Variants in LPP observed in about 807,000 individuals in gnomAD.
The protein encoded by LPP is LIM domain containing preferred translocation partner in lipoma.
LPP carries 38 observed loss-of-function variants against 60.4 expected under a neutral mutation model. That is an observed-to-expected ratio of 0.63 (90% CI 0.49 to 0.83). The LOEUF is 0.83. Among genes scored for constraint, LPP ranks in the 40% least tolerant of loss-of-function variants. The probability of loss-of-function intolerance (pLI) is 0.00; values close to 1 mark genes in which losing one functional copy is unlikely to be tolerated. For missense variants in LPP, 902 were observed against 783.6 expected, an observed-to-expected ratio of 1.15 and a Z score of -1.80; for synonymous variants, 328 against 290.8, an observed-to-expected ratio of 1.13 and a Z score of -1.30.
chr3:188,586,761 C>T (rs1255392074), intron 6 of LPP, among the ~76,000 whole-genome samples: 3 of 149,980 alleles, frequency 2.0e-5, no homozygotes, highest in Admixed American at 6.6e-5. Flanking sequence ...TGGAGTCTCG[C>T]TCTGTCGCCA....
chr3:188,770,957 C>A (rs1317432076), intron 9 of LPP, among the ~76,000 whole-genome samples: 4 of 152,158 alleles, frequency 2.6e-5, no homozygotes, highest in Non-Finnish European at 5.9e-5. Flanking sequence ...TTAGCGTGCT[C>A]AGCTCCAGGA....
intron 5 of LPP, among the ~76,000 whole-genome samples, chr3:188,489,303 G>T (rs1177261157): frequency 1.3e-5 from 2 of 152,164 alleles, no homozygotes; most frequent in East Asian, 1.9e-4. Flanking sequence ...TTGATCAGAA[G>T]CATAATCTAA....
intron 9 of LPP, among the ~76,000 whole-genome samples, chr3:188,807,012 C>T (rs1367502919): frequency 2.6e-5 from 4 of 151,662 alleles, no homozygotes; most frequent in South Asian, 4.2e-4. Flanking sequence ...TGTCTGATAC[C>T]GTATTCCTTC....
At chr3:188,832,559 C>T (rs1447051623) in intron 9 of LPP, among the ~76,000 whole-genome samples, 3 of 152,140 alleles carry the variant, frequency 2.0e-5, no homozygotes, top group Non-Finnish European at 2.9e-5. Flanking sequence ...TTGTTTTATG[C>T]CACTGAGATT....
chr3:188,791,613 A>G lies in LPP; in HGVS notation c.1410+31331A>G, dbSNP rs986960603. Among the ~76,000 whole-genome samples, 6 of 151,844 alleles carry G rather than the reference A, an allele frequency of 4.0e-5. No homozygotes were observed. The East Asian group carries it at 9.7e-4, about 25-fold the overall frequency. ...ACATGGAACTACTGTTCTCCATTGC[A>G]CCATGATTAGTCTATCCGTAGTCTT... On this transcript the variant is annotated intron_variant, in intron 9 of 11. Coordinates refer to ENST00000617246, the MANE Select transcript of LPP (RefSeq NM_001375462.1).
At chr3:188,203,499 A>G (rs1490691693) in intron 1 of LPP, among the ~76,000 whole-genome samples, 1 of 63,218 alleles carries the variant, frequency 1.6e-5, no homozygotes, top group Non-Finnish European at 2.8e-5. Flanking sequence ...TTAAATATAT[A>G]TAAATATATA....
rs1189253141 is a variant in LPP, at chr3:188,887,389, G to T, written c.*12910G>T. On this transcript the variant is annotated 3_prime_UTR_variant, in exon 12 of 12. Transcript: ENST00000617246. ...TAAACTGGAAATAGGAGAGTAGCTT[G>T]AGCAGGTTATGATATATCTGCCCAA... 1 of 215,774 alleles carries T rather than the reference G, an allele frequency of 4.6e-6. No homozygotes were observed. Among genetic ancestry groups the T allele is most frequent in the Non-Finnish European group, 9.3e-6 (1 of 107,054 alleles). The allele number at this position is 215,774 out of a possible 1,614,324, so 13.4% of individuals were successfully genotyped here. A position where few individuals can be genotyped will look rare whatever the true frequency, so the allele number is the denominator to read the frequency against.
chr3:188,261,859 G>T (rs74604584), intron 2 of LPP, among the ~76,000 whole-genome samples: 1 of 152,316 alleles, frequency 6.6e-6, no homozygotes, highest in African/African-American at 2.4e-5. Flanking sequence ...TAAGGCTGCA[G>T]TGAGCTAGAA....
At chr3:188,439,070 G>A (rs933085952) in intron 4 of LPP, among the ~76,000 whole-genome samples, 10 of 152,096 alleles carry the variant, frequency 6.6e-5, no homozygotes, top group Admixed American at 5.9e-4. Context: ...AAACATGCAG[G>A]TACACTAGTT....
At chr3:188,760,436 G>GTGTGTGTGTGTGCA (rs58347862) in intron 9 of LPP, among the ~76,000 whole-genome samples, 154 bp downstream of exon 9, 1 of 140,432 alleles carries the variant, frequency 7.1e-6, no homozygotes, top group Non-Finnish European at 1.6e-5. Flanking sequence ...GTGTGTGTGT[G>GTGTGTGTGTGTGCA]CGTGCGCGCA....
chr3:188,755,855 A>G, intron 8 of LPP, among the ~76,000 whole-genome samples: 1 of 125,512 alleles, frequency 8.0e-6, no homozygotes, highest in Non-Finnish European at 1.8e-5. Context: ...AAAAAAAAAA[A>G]AAAAAAAAAA....
chr3:188,710,308 T>A (rs1577138204), intron 8 of LPP: 1 of 152,156 alleles, frequency 6.6e-6, no homozygotes, highest in East Asian at 1.9e-4. Flanking sequence ...GAATGAAACA[T>A]CTGGTTGTGG....
At chr3:188,579,990 G>T (rs193171513) in intron 6 of LPP, among the ~76,000 whole-genome samples, 4 of 151,956 alleles carry the variant, frequency 2.6e-5, no homozygotes, top group African/African-American at 4.8e-5. Flanking sequence ...GACAGAGCAA[G>T]ACCCTGCCTC....
intron 9 of LPP, among the ~76,000 whole-genome samples, chr3:188,848,860 G>A (rs1251975526): frequency 2.0e-5 from 3 of 151,986 alleles, no homozygotes; most frequent in African/African-American, 7.3e-5. Flanking sequence ...CAGCTACTCG[G>A]GAGGCTGAGG....
intron 8 of LPP, among the ~76,000 whole-genome samples, chr3:188,758,376 G>T (rs1164814396): frequency 6.6e-6 from 1 of 152,078 alleles, no homozygotes; most frequent in Non-Finnish European, 1.5e-5. Flanking sequence ...GACCAGGCTG[G>T]TCTTGAACTC....
At chr3:188,625,543 G>A (rs1846678718) in intron 7 of LPP, among the ~76,000 whole-genome samples, 1 of 152,066 alleles carries the variant, frequency 6.6e-6, no homozygotes. Flanking sequence ...TTCGGAGAAG[G>A]CAAGTCAGTT....
intron 7 of LPP, among the ~76,000 whole-genome samples, chr3:188,700,217 T>C (rs1577086495): frequency 1.3e-5 from 2 of 152,344 alleles, no homozygotes; most frequent in Non-Finnish European, 2.9e-5. Flanking sequence ...CCCGGTGTTT[T>C]ATCCGCCTGA....
chr3:188,856,485 T>C (rs1426485949), intron 9 of LPP, among the ~76,000 whole-genome samples: 2 of 152,228 alleles, frequency 1.3e-5, no homozygotes, highest in Non-Finnish European at 2.9e-5. Context: ...TCGATCCTTC[T>C]GTGTAACAGT....
At chr3:188,480,847 C>G (rs1804573140) in intron 4 of LPP, among the ~76,000 whole-genome samples, 1 of 152,216 alleles carries the variant, frequency 6.6e-6, no homozygotes, top group Non-Finnish European at 1.5e-5. Context: ...CATTTCATTT[C>G]ATCCAGGGGC....
Sources: gnomAD v4.1 joint callset for allele counts (sites outside exome capture counted in the v4.1 genomes callset) on GRCh38, gnomAD v4.1.1 for gene constraint, MANE v1.5 for transcripts, NCBI Gene and HGNC (gene_info 2026-07-23, HGNC 2026-07-21) for gene names.